Variants in SNX30 observed in about 807,000 individuals in gnomAD.
The protein encoded by SNX30 is sorting nexin-30.
A neutral mutation model predicts 46.4 loss-of-function variants in SNX30; 24 were observed. The observed-to-expected ratio is 0.52, with a 90% CI of 0.37 to 0.73. The LOEUF (loss-of-function observed/expected upper bound fraction) is 0.73. SNX30 is among the 30% of genes least tolerant of loss of function. The pLI is 0.00. For synonymous variants in SNX30, 189 were observed against 211.5 expected (o/e 0.89, Z 0.92); for missense variants, 533 against 555.7 (o/e 0.96, Z 0.41).
intron 1 of SNX30, among the ~76,000 whole-genome samples, chr9:112,792,167 C>G (rs1206637821): frequency 6.6e-6 from 1 of 152,180 alleles, no homozygotes; most frequent in Non-Finnish European, 1.5e-5. Flanking sequence ...CATGAGTGCT[C>G]ACTGTGAAAC....
chr9:112,830,960 G>T, intron 4 of SNX30, 77 bp downstream of exon 4: 1 of 1,413,372 alleles, frequency 7.1e-7, no homozygotes, highest in Non-Finnish European at 9.5e-7. Context: ...TTTTGAGCAG[G>T]ACTCGGTCTC....
intron 1 of SNX30, among the ~76,000 whole-genome samples, chr9:112,803,814 G>C (rs2131400521): frequency 3.2e-5 from 1 of 31,034 alleles, no homozygotes; most frequent in African/African-American, 1.3e-4. Context: ...GACCCTCCGA[G>C]CCAGGTGTGG....
At chr9:112,821,954 T>G (rs1355207136) in intron 3 of SNX30, among the ~76,000 whole-genome samples, 1 of 152,148 alleles carries the variant, frequency 6.6e-6, no homozygotes, top group African/African-American at 2.4e-5. Context: ...TTTTTAATTT[T>G]TTTTTGTAGA....
At chr9:112,777,019 T>C (rs1811282094) in intron 1 of SNX30, among the ~76,000 whole-genome samples, 1 of 152,126 alleles carries the variant, frequency 6.6e-6, no homozygotes. Context: ...GTCTCTGATT[T>C]TGAGTATTTT....
At chr9:112,775,307 C>T (rs952007726) in intron 1 of SNX30, among the ~76,000 whole-genome samples, 11 of 151,756 alleles carry the variant, frequency 7.2e-5, no homozygotes, top group Non-Finnish European at 1.3e-4. Flanking sequence ...AGGCATGCAC[C>T]ACCACACTTG....
chr9:112,872,497 G>A lies in SNX30; in HGVS notation c.*3654G>A, dbSNP rs1325540858. 1 of 152,340 alleles carries A rather than the reference G, an allele frequency of 6.6e-6. No homozygotes were observed. Among genetic ancestry groups the A allele is most frequent in the Non-Finnish European group, 1.5e-5 (1 of 68,178 alleles). The allele number at this position is 152,340 out of a possible 1,614,324, so 9.4% of individuals were successfully genotyped here. Reference sequence around the variant, plus strand: ...GTCAAGAGCAACCTCCAAGGCCTATGTCAGCCTCTTCTCCTTGGGTCTTGG... The same window carrying A: ...GTCAAGAGCAACCTCCAAGGCCTATATCAGCCTCTTCTCCTTGGGTCTTGG... On this transcript the variant is annotated 3_prime_UTR_variant, in exon 9 of 9. Transcript: ENST00000374232.
Position 112,874,488 on chromosome 9 carries a change from A to G in SNX30, c.*5645A>G, listed in dbSNP as rs181140977. ...GGACATGTCCACATTATGGACTGTC[A>G]TCTTATTTTTAAAAGTCATTCTTTA... On this transcript the variant is annotated 3_prime_UTR_variant, in exon 9 of 9. Transcript: ENST00000374232. 14 of 152,250 alleles carry G rather than the reference A, an allele frequency of 9.2e-5. No homozygotes were observed. The highest frequency in any genetic ancestry group is 1.5e-4 in the Non-Finnish European group (10 of 68,036). The allele number at this position is 152,250 out of a possible 1,614,324, so 9.4% of individuals were successfully genotyped here.
rs138029450 is a variant in SNX30, at chr9:112,868,883, G to C, written c.*40G>C. On this transcript the variant is annotated 3_prime_UTR_variant, in exon 9 of 9. Transcript: ENST00000374232. Reference sequence around the variant, plus strand: ...ACGGAGACTCTTCTACCTACACAGGGCCTGGCACCCTATACCGGAATGTCC... The same window carrying C: ...ACGGAGACTCTTCTACCTACACAGGCCCTGGCACCCTATACCGGAATGTCC... 1 of 1,596,882 alleles carries C rather than the reference G, an allele frequency of 6.3e-7. No homozygotes were observed. The highest frequency in any genetic ancestry group is 8.6e-7 in the Non-Finnish European group (1 of 1,164,446).
At chr9:112,835,719 G>A (rs1840740840) in intron 4 of SNX30, among the ~76,000 whole-genome samples, 1 of 152,134 alleles carries the variant, frequency 6.6e-6, no homozygotes, top group Non-Finnish European at 1.5e-5. Context: ...GCTGTTTACA[G>A]CATCCATCCT....
chr9:112,791,591 T>A (rs989737535), intron 1 of SNX30, among the ~76,000 whole-genome samples: 6 of 152,020 alleles, frequency 3.9e-5, no homozygotes, highest in Non-Finnish European at 7.4e-5. Flanking sequence ...TTTGTATTTT[T>A]AGTAGAGATG....
At chr9:112,827,309 G>T (rs76093318) in intron 3 of SNX30, among the ~76,000 whole-genome samples, 4,635 of 152,254 alleles carry the variant, frequency 0.03, 243 homozygotes, top group African/African-American at 0.1. Context: ...CTGTGAAGTT[G>T]ATGCTATTAG....
chr9:112,791,785 T>C (rs994331330), intron 1 of SNX30, among the ~76,000 whole-genome samples: 1 of 152,170 alleles, frequency 6.6e-6, no homozygotes, highest in African/African-American at 2.4e-5. Context: ...CCAGTAAATA[T>C]TTTGGTAGTT....
intron 1 of SNX30, among the ~76,000 whole-genome samples, chr9:112,794,236 G>A (rs1262505102): frequency 6.6e-6 from 1 of 151,790 alleles, no homozygotes; most frequent in Non-Finnish European, 1.5e-5. Flanking sequence ...CACTGCACCC[G>A]CCGCCTCCCA....
intron 7 of SNX30, among the ~76,000 whole-genome samples, chr9:112,859,855 G>A (rs1455902671): frequency 6.6e-6 from 1 of 152,074 alleles, no homozygotes; most frequent in East Asian, 1.9e-4. Context: ...CCTGATGAGT[G>A]TGAGGTGCTA....
chr9:112,804,493 C>G (rs144187121), intron 1 of SNX30, among the ~76,000 whole-genome samples: 39 of 152,242 alleles, frequency 2.6e-4, no homozygotes, highest in African/African-American at 9.1e-4. Flanking sequence ...ATGGTGGGGC[C>G]ATTATGTTCT....
chr9:112,870,705 C>T lies in SNX30; in HGVS notation c.*1862C>T, dbSNP rs922628003. On this transcript the variant is annotated 3_prime_UTR_variant, in exon 9 of 9. Coordinates refer to ENST00000374232, the MANE Select transcript of SNX30 (RefSeq NM_001012994.2). ...ATCGTGTTGACGTGGGTATGGACGC[C>T]TGGGTCTGACCTGACACTGTGCTGG... 3.3e-5 allele frequency: 5 copies of T among 152,192 alleles called. No individual in the cohort carries two copies. Among genetic ancestry groups the T allele is most frequent in the Admixed American group, 1.3e-4 (2 of 15,278 alleles). The allele number at this position is 152,192 out of a possible 1,614,324, so 9.4% of individuals were successfully genotyped here.
Position 112,869,987 on chromosome 9 carries a change from C to T in SNX30, c.*1144C>T, listed in dbSNP as rs1008877389. On this transcript the variant is annotated 3_prime_UTR_variant, in exon 9 of 9. Transcript: ENST00000374232. ...TCAGGAAGGAAAATCAGTACCTGGA[C>T]GGGCCTCGAAAATGACAAATGCAAC... 4 of 152,108 alleles carry T rather than the reference C, an allele frequency of 2.6e-5. No homozygotes were observed. The highest frequency in any genetic ancestry group is 2.1e-4 in the South Asian group (1 of 4,816). 9.4% of individuals were successfully genotyped at this position (152,108 alleles called of 1,614,324 possible). A position where few individuals can be genotyped will look rare whatever the true frequency, so the allele number is the denominator to read the frequency against.
At chr9:112,834,878 A>G (rs919181320) in intron 4 of SNX30, among the ~76,000 whole-genome samples, 1 of 79,120 alleles carries the variant, frequency 1.3e-5, no homozygotes, top group Admixed American at 1.5e-4. Context: ...ACACACACAC[A>G]CACACCTACC....
chr9:112,760,086 A>C (rs542304303), intron 1 of SNX30, among the ~76,000 whole-genome samples: 1 of 152,194 alleles, frequency 6.6e-6, no homozygotes, highest in African/African-American at 2.4e-5. Flanking sequence ...AGTTATTTCA[A>C]ACAGAGAGAC....
Sources: gnomAD v4.1 joint callset for allele counts (sites outside exome capture counted in the v4.1 genomes callset) on GRCh38, gnomAD v4.1.1 for gene constraint, MANE v1.5 for transcripts, NCBI Gene and HGNC (gene_info 2026-07-23, HGNC 2026-07-21) for gene names.